The following DHRS7B variants were observed in gnomAD, a reference collection of about 807,000 sequenced individuals.
DHRS7B encodes the protein dehydrogenase/reductase 7B, also known as peroxisomal reductase activating PPAR-gamma.
Under a neutral mutation model 26.4 loss-of-function variants are expected in DHRS7B, and 24 were observed. The observed-to-expected ratio is 0.91, with a 90% CI of 0.66 to 1.28. The LOEUF (loss-of-function observed/expected upper bound fraction) is 1.28. Ranked by LOEUF, DHRS7B falls within the 50% of genes most tolerant of loss-of-function variation. DHRS7B has a pLI of 0.00. For missense variants in DHRS7B, 368 were observed against 419.4 expected, an observed-to-expected ratio of 0.88 and a Z score of 1.07; for synonymous variants, 142 against 166.4, an observed-to-expected ratio of 0.85 and a Z score of 1.13.
rs538901720 is a variant in DHRS7B, at chr17:21,157,944, GA to G, written c.21-14063del. 1.4e-3 allele frequency among the ~76,000 whole-genome samples: 203 copies of G among 144,360 alleles called. 1 individual carries two copies. The highest frequency in any genetic ancestry group is 4.4e-3 in the African/African-American group (174 of 39,464). The allele number at this position is 144,360 out of a possible 152,430, so 94.7% of individuals were successfully genotyped here. On this transcript the variant is annotated intron_variant, in intron 1 of 6. Transcript: ENST00000395511. ...TGGTTGACAGAGTGAGACCCTGTCT[GA>G]AAAAAAAAAATAATAATAATCCATC...
chr17:21,145,129 C>T (rs1217604781), intron 1 of DHRS7B, among the ~76,000 whole-genome samples: 1 of 151,950 alleles, frequency 6.6e-6, no homozygotes, highest in African/African-American at 2.4e-5. Flanking sequence ...TTGAGACCAT[C>T]CTGGCTAACA....
At chr17:21,185,879 G>C (rs1457299976) in intron 5 of DHRS7B, among the ~76,000 whole-genome samples, 4 of 152,044 alleles carry the variant, frequency 2.6e-5, no homozygotes, top group Non-Finnish European at 5.9e-5. Flanking sequence ...GTAGACACAG[G>C]GTTTCACCAT....
At chr17:21,149,451 A>G (rs1973712601) in intron 1 of DHRS7B, among the ~76,000 whole-genome samples, 1 of 152,244 alleles carries the variant, frequency 6.6e-6, no homozygotes, top group Non-Finnish European at 1.5e-5. Context: ...GTACGTGGAC[A>G]AACCCAGAAT....
At chr17:21,169,296 A>G (rs1326842465) in intron 1 of DHRS7B, among the ~76,000 whole-genome samples, 1 of 152,234 alleles carries the variant, frequency 6.6e-6, no homozygotes, top group Non-Finnish European at 1.5e-5. Context: ...TTCACAAGCC[A>G]GGGGTCCCTT....
intron 2 of DHRS7B, among the ~76,000 whole-genome samples, chr17:21,176,469 C>T (rs1331450218): frequency 1.3e-5 from 2 of 151,972 alleles, no homozygotes; most frequent in East Asian, 2.0e-4. Flanking sequence ...GCCATGGTGG[C>T]GAGTATCTGT....
intron 1 of DHRS7B, chr17:21,128,626 A>T (rs941862502): frequency 1.3e-5 from 2 of 151,232 alleles, no homozygotes; most frequent in African/African-American, 2.4e-5. Context: ...CGTGCTCCGG[A>T]TGGCGGAGCT....
chr17:21,136,690 G>A (rs900305005), intron 1 of DHRS7B, among the ~76,000 whole-genome samples: 1 of 151,746 alleles, frequency 6.6e-6, no homozygotes, highest in African/African-American at 2.4e-5. Context: ...TGAGTAGCTG[G>A]GATTACAGGT....
intron 1 of DHRS7B, among the ~76,000 whole-genome samples, chr17:21,142,972 A>G (rs1479699801): frequency 6.6e-6 from 1 of 152,332 alleles, no homozygotes; most frequent in East Asian, 1.9e-4. Context: ...TATGTTGCCC[A>G]GACTGGAGTG....
chr17:21,161,062 A>G (rs1368009920), intron 1 of DHRS7B, among the ~76,000 whole-genome samples: 2 of 152,198 alleles, frequency 1.3e-5, no homozygotes. Flanking sequence ...GGAGAGATGA[A>G]TAGGTGGAGC....
At chr17:21,177,109 G>T (rs2144162320) in intron 2 of DHRS7B, among the ~76,000 whole-genome samples, 1 of 152,270 alleles carries the variant, frequency 6.6e-6, no homozygotes, top group South Asian at 2.1e-4. Flanking sequence ...AGCCACAGGA[G>T]AATTACCTGT....
chr17:21,172,348 A>T, intron 2 of DHRS7B, 152 bp downstream of exon 2: 2 of 954,470 alleles, frequency 2.1e-6, no homozygotes, highest in Non-Finnish European at 3.2e-6. Flanking sequence ...TGTCCTTGGT[A>T]CAAGTGGAAA....
At chr17:21,151,994 C>T (rs552175650) in intron 1 of DHRS7B, among the ~76,000 whole-genome samples, 104 of 152,276 alleles carry the variant, frequency 6.8e-4, no homozygotes, top group African/African-American at 2.4e-3. Context: ...CTCGCTCCCA[C>T]TCTCAACTAC....
chr17:21,136,510 CAAAAGAAAAAA>C (rs2143878203), intron 1 of DHRS7B, among the ~76,000 whole-genome samples: 1 of 150,032 alleles, frequency 6.7e-6, no homozygotes, highest in East Asian at 2.0e-4. Context: ...AACTCCGTCT[CAAAAGAAAAAA>C]AAAAGAAAAG....
At chr17:21,142,151 C>T (rs1366419169) in intron 1 of DHRS7B, among the ~76,000 whole-genome samples, 4 of 152,096 alleles carry the variant, frequency 2.6e-5, no homozygotes, top group Non-Finnish European at 5.9e-5. Context: ...ACTTCTGTCC[C>T]TTTTAAGGAC....
chr17:21,141,640 A>AAAAAAAACAAAAAAAAAAAG lies in DHRS7B; in HGVS notation c.20+14649_20+14650insAAAAAAACAAAAAAAAAAAG. Reference sequence around the variant, plus strand: ...AAAGCAAAAAAAAAAAAAAAAAAAAACAACCTCATCTCAAACTCCACAAAG... The same window carrying AAAAAAAACAAAAAAAAAAAG: ...AAAGCAAAAAAAAAAAAAAAAAAAAAAAAAAAACAAAAAAAAAAAGCAACCTCATCTCAAACTCCACAAAG... On this transcript the variant is annotated intron_variant, in intron 1 of 6. Transcript: ENST00000395511. 3.3e-5 allele frequency among the ~76,000 whole-genome samples: 3 copies of AAAAAAAACAAAAAAAAAAAG among 90,078 alleles called. 1 individual carries two copies. The highest frequency in any genetic ancestry group is 3.4e-4 in the East Asian group (1 of 2,908). The allele number at this position is 90,078 out of a possible 152,430, so 59.1% of individuals were successfully genotyped here.
At chr17:21,149,183 AG>A (rs1973706439) in intron 1 of DHRS7B, among the ~76,000 whole-genome samples, 1 of 152,002 alleles carries the variant, frequency 6.6e-6, no homozygotes. Context: ...CATACAGGCC[AG>A]GGAGGTATGG....
At chr17:21,152,152 G>GT (rs985789974) in intron 1 of DHRS7B, among the ~76,000 whole-genome samples, 5 of 152,040 alleles carry the variant, frequency 3.3e-5, no homozygotes, top group South Asian at 2.1e-4. Context: ...TTCGGGTGTT[G>GT]TTTTTTTATT....
At chr17:21,169,370 G>T (rs554210927) in intron 1 of DHRS7B, among the ~76,000 whole-genome samples, 3 of 152,266 alleles carry the variant, frequency 2.0e-5, no homozygotes, top group African/African-American at 7.2e-5. Flanking sequence ...TTGAGTTAAT[G>T]GTGGTCATTA....
chr17:21,176,494 T>C (rs906006448), intron 2 of DHRS7B, among the ~76,000 whole-genome samples: 1 of 152,020 alleles, frequency 6.6e-6, no homozygotes, highest in African/African-American at 2.4e-5. Context: ...CCACCTACTC[T>C]GCAGGCTGAG....
Sources: allele counts gnomAD v4.1 joint callset (sites outside exome capture counted in the v4.1 genomes callset), GRCh38; gene constraint gnomAD v4.1.1; transcripts MANE v1.5; gene names NCBI Gene and HGNC (gene_info 2026-07-23, HGNC 2026-07-21).